CHSY3: variants seen among roughly 807,000 people sequenced by gnomAD.
CHSY3 encodes N-acetylgalactosaminyl-proteoglycan 3-beta-glucuronosyltransferase 3.
A neutral mutation model predicts 67.2 loss-of-function variants in CHSY3; 35 were observed. That is an observed-to-expected ratio of 0.52 (90% CI 0.40 to 0.69). CHSY3 has a LOEUF of 0.69. Ranked by LOEUF, CHSY3 falls within the 30% of genes least tolerant of loss-of-function variation. The pLI, the probability that CHSY3 is intolerant of heterozygous loss-of-function variation, is 0.00. For synonymous variants in CHSY3, 474 were observed against 434.7 expected, an observed-to-expected ratio of 1.09 and a Z score of -1.12; for missense variants, 1,069 against 1,138.5, an observed-to-expected ratio of 0.94 and a Z score of 0.88.
At chr5:130,020,444 TATATATATA>T (rs1764342697) in intron 2 of CHSY3, among the ~76,000 whole-genome samples, 7 of 38,204 alleles carry the variant, frequency 1.8e-4, no homozygotes, top group South Asian at 8.3e-4. Flanking sequence ...TATATATATA[TATATATATA>T]TATATATATT....
intron 2 of CHSY3, among the ~76,000 whole-genome samples, chr5:130,070,140 A>G (rs527728143): frequency 4.6e-5 from 7 of 152,234 alleles, no homozygotes; most frequent in African/African-American, 1.7e-4. Flanking sequence ...AACACAGTCC[A>G]TTCTTTAGAA....
At chr5:129,975,279 T>C (rs1395759180) in intron 2 of CHSY3, among the ~76,000 whole-genome samples, 1 of 152,148 alleles carries the variant, frequency 6.6e-6, no homozygotes, top group Non-Finnish European at 1.5e-5. Context: ...TTACCTCGGA[T>C]ACAATTATAG....
intron 2 of CHSY3, among the ~76,000 whole-genome samples, chr5:129,912,999 A>G (rs1760619262): frequency 6.6e-6 from 1 of 152,248 alleles, no homozygotes; most frequent in South Asian, 2.1e-4. Flanking sequence ...AAGTGTTAGA[A>G]TTTATTGGCC....
chr5:129,983,660 C>G (rs746981089), intron 2 of CHSY3, among the ~76,000 whole-genome samples: 1 of 151,968 alleles, frequency 6.6e-6, no homozygotes, highest in Non-Finnish European at 1.5e-5. Flanking sequence ...AATGACAGAA[C>G]TATGAAAACT....
intron 2 of CHSY3, among the ~76,000 whole-genome samples, chr5:129,969,344 A>G (rs979245020): frequency 2.6e-5 from 4 of 151,880 alleles, no homozygotes; most frequent in Admixed American, 2.6e-4. Context: ...TTATCAATGT[A>G]ATGATTTACT....
At chr5:130,127,222 C>G (rs1044479754) in intron 2 of CHSY3, among the ~76,000 whole-genome samples, 1 of 152,068 alleles carries the variant, frequency 6.6e-6, no homozygotes, top group Non-Finnish European at 1.5e-5. Context: ...ATAGACTTAG[C>G]CTTTCTTTCT....
chr5:129,980,795 A>G (rs1316040221), intron 2 of CHSY3, among the ~76,000 whole-genome samples: 4 of 152,106 alleles, frequency 2.6e-5, no homozygotes, highest in Non-Finnish European at 5.9e-5. Context: ...TAACTGTGTG[A>G]AGAGGATAAG....
intron 2 of CHSY3, among the ~76,000 whole-genome samples, chr5:129,977,035 C>T (rs1385721737): frequency 2.6e-5 from 4 of 152,020 alleles, no homozygotes. Context: ...ATGTAAGGCA[C>T]TTCCTGCTAG....
chr5:129,949,376 C>A (rs1316734086), intron 2 of CHSY3, among the ~76,000 whole-genome samples: 2 of 152,036 alleles, frequency 1.3e-5, no homozygotes, highest in African/African-American at 4.8e-5. Context: ...TAAAGACATA[C>A]AACTTACAAT....
intron 2 of CHSY3, among the ~76,000 whole-genome samples, chr5:129,970,160 T>C (rs1455163907): frequency 2.6e-5 from 4 of 151,876 alleles, no homozygotes; most frequent in African/African-American, 9.7e-5. Context: ...TTTGCTTCTT[T>C]CGTAAGACTT....
At position 130,184,604 on chromosome 5, in the gene CHSY3, A is replaced by C. The variant is rs755269066; in HGVS notation, c.1462A>C (p.Ser488Arg). The C allele has an allele frequency of 6.2e-7, 1 of 1,611,574 alleles. No individual in the cohort carries two copies. Residue 488 changes from serine to arginine, a missense_variant, in exon 3 of 3, where the codon AGT becomes CGT. Ser to Arg is a moderately radical substitution (Grantham distance 110). Transcript: ENST00000305031. ...AENQPPRQSL[S>R]SILRTALDDT... ...GAACCAGCCCCCTCGACAGAGCCTC[A>C]GTAGCATTTTAAGAACAGCACTGGA... is the stretch of plus-strand genomic sequence containing the variant.
rs572706310 is a variant in CHSY3 at position 130,152,739 on chromosome 5, G to C, written c.1087-31490G>C. Among the ~76,000 whole-genome samples, 4 of 152,276 alleles carry C rather than the reference G, an allele frequency of 2.6e-5. No homozygotes were observed. In the South Asian group the frequency reaches 6.2e-4, roughly 24 times the overall value. On this transcript the variant is annotated intron_variant, in intron 2 of 2. Transcript: ENST00000305031. ...TGTTTTGCAAAGAAATATGAAGGAAGCTTGACTGATAATATTTAATGCCCT... is the reference window on the plus strand; with the variant it reads ...TGTTTTGCAAAGAAATATGAAGGAACCTTGACTGATAATATTTAATGCCCT...
intron 2 of CHSY3, among the ~76,000 whole-genome samples, chr5:130,029,472 T>C (rs1013170505): frequency 2.6e-5 from 4 of 152,084 alleles, no homozygotes; most frequent in African/African-American, 9.7e-5. Context: ...CCCCAAGCCC[T>C]GTACTGTTAA....
chr5:130,116,013 C>T (rs1421975705), intron 2 of CHSY3, among the ~76,000 whole-genome samples: 1 of 152,154 alleles, frequency 6.6e-6, no homozygotes, highest in Non-Finnish European at 1.5e-5. Context: ...CCTTTCTTGT[C>T]ATTTTCATCC....
chr5:129,989,136 C>T (rs969673745), intron 2 of CHSY3, among the ~76,000 whole-genome samples: 4 of 152,148 alleles, frequency 2.6e-5, no homozygotes, highest in Non-Finnish European at 1.5e-5. Context: ...AACTTACTGG[C>T]TGACGGTTCT....
At chr5:129,977,286 A>T (rs1762841044) in intron 2 of CHSY3, among the ~76,000 whole-genome samples, 1 of 152,170 alleles carries the variant, frequency 6.6e-6, no homozygotes, top group African/African-American at 2.4e-5. Context: ...TATTTCAAGG[A>T]TAGGTATATT....
chr5:130,033,055 A>G (rs910959093), intron 2 of CHSY3, among the ~76,000 whole-genome samples: 10 of 152,272 alleles, frequency 6.6e-5, no homozygotes, highest in African/African-American at 2.4e-4. Context: ...GACCCAGATG[A>G]AGCCGACAGC....
At chr5:129,927,172 C>A (rs1342841300) in intron 2 of CHSY3, among the ~76,000 whole-genome samples, 1 of 151,494 alleles carries the variant, frequency 6.6e-6, no homozygotes, top group Admixed American at 6.6e-5. Context: ...ATTTTATGTT[C>A]TTTATGCCTC....
chr5:129,984,949 A>C (rs547120133), intron 2 of CHSY3, among the ~76,000 whole-genome samples: 31 of 152,282 alleles, frequency 2.0e-4, no homozygotes, highest in African/African-American at 7.0e-4. Context: ...ATAATATCCA[A>C]ATAATTTCTC....
Sources: allele counts gnomAD v4.1 joint callset (sites outside exome capture counted in the v4.1 genomes callset), GRCh38; gene constraint gnomAD v4.1.1; transcripts MANE v1.5; gene names NCBI Gene and HGNC (gene_info 2026-07-23, HGNC 2026-07-21).